The following FSTL5 variants were observed in gnomAD, a reference collection of about 807,000 sequenced individuals.
FSTL5 encodes the protein follistatin-related protein 5.
FSTL5 carries 62 observed loss-of-function variants against 89.1 expected under a neutral mutation model. The ratio of observed to expected loss-of-function variants is 0.70; its 90% CI spans 0.57 to 0.86. The LOEUF (loss-of-function observed/expected upper bound fraction) is 0.86. Among genes scored for constraint, FSTL5 ranks in the 40% least tolerant of loss-of-function variants. The pLI, the probability that FSTL5 is intolerant of heterozygous loss-of-function variation, is 0.00. For synonymous variants in FSTL5, 383 were observed against 346.2 expected, an observed-to-expected ratio of 1.11 and a Z score of -1.18; for missense variants, 1,057 against 1,001.6, an observed-to-expected ratio of 1.06 and a Z score of -0.75.
At chr4:162,096,130 A>G (rs1278742666) in intron 2 of FSTL5, among the ~76,000 whole-genome samples, 1 of 151,948 alleles carries the variant, frequency 6.6e-6, no homozygotes, top group East Asian at 1.9e-4. Context: ...AATTAATGCA[A>G]TAACGCTTCC....
At chr4:161,519,868 C>A (rs1277805668) in intron 10 of FSTL5, among the ~76,000 whole-genome samples, 2 of 152,128 alleles carry the variant, frequency 1.3e-5, no homozygotes, top group Non-Finnish European at 2.9e-5. Flanking sequence ...TTAACTTCCC[C>A]ATTTAGAAAA....
At chr4:161,627,449 C>G (rs1735354766) in intron 7 of FSTL5, among the ~76,000 whole-genome samples, 1 of 152,140 alleles carries the variant, frequency 6.6e-6, no homozygotes, top group Admixed American at 6.6e-5. Flanking sequence ...ATAAATATAA[C>G]TTTTATATGC....
intron 13 of FSTL5, among the ~76,000 whole-genome samples, chr4:161,469,140 C>T (rs1179839526): frequency 6.6e-6 from 1 of 152,074 alleles, no homozygotes; most frequent in Non-Finnish European, 1.5e-5. Flanking sequence ...ATTTTCACTA[C>T]TCTAATTACC....
At chr4:161,573,385 A>G (rs1206884350) in intron 8 of FSTL5, among the ~76,000 whole-genome samples, 2 of 144,618 alleles carry the variant, frequency 1.4e-5, no homozygotes, top group African/African-American at 5.1e-5. Flanking sequence ...CCCTGATTCC[A>G]GCCTAGATGA....
intron 4 of FSTL5, among the ~76,000 whole-genome samples, chr4:161,836,921 A>T (rs1731062563): frequency 6.6e-6 from 1 of 152,098 alleles, no homozygotes; most frequent in African/African-American, 2.4e-5. Context: ...GATAGGAACA[A>T]AAAGAGGAAG....
At chr4:161,555,601 A>C (rs1001216735) in intron 8 of FSTL5, among the ~76,000 whole-genome samples, 1 of 151,552 alleles carries the variant, frequency 6.6e-6, no homozygotes, top group Non-Finnish European at 1.5e-5. Flanking sequence ...GAAAATTTGA[A>C]CGCATCTCTA....
At chr4:161,910,684 C>G (rs1733664791) in intron 4 of FSTL5, among the ~76,000 whole-genome samples, 1 of 152,086 alleles carries the variant, frequency 6.6e-6, no homozygotes, top group African/African-American at 2.4e-5. Flanking sequence ...TTACCATCAT[C>G]TCTATATCTC....
chr4:161,412,514 A>G (rs1731628630), intron 15 of FSTL5, among the ~76,000 whole-genome samples: 1 of 151,752 alleles, frequency 6.6e-6, no homozygotes, highest in Non-Finnish European at 1.5e-5. Context: ...GTAGGGGGAT[A>G]GGGGCGGGAT....
chr4:162,108,002 T>C (rs1400543472), intron 2 of FSTL5, among the ~76,000 whole-genome samples: 1 of 152,128 alleles, frequency 6.6e-6, no homozygotes, highest in Non-Finnish European at 1.5e-5. Context: ...GTATGCAATA[T>C]TTAAGTTAAA....
At chr4:161,835,523 A>C (rs1054624726) in intron 4 of FSTL5, among the ~76,000 whole-genome samples, 2 of 152,062 alleles carry the variant, frequency 1.3e-5, no homozygotes, top group African/African-American at 4.8e-5. Flanking sequence ...GGCAACCTAC[A>C]ACATGGGAGA....
chr4:162,033,886 C>T (rs369702229), intron 2 of FSTL5, among the ~76,000 whole-genome samples: 2 of 152,162 alleles, frequency 1.3e-5, no homozygotes, highest in East Asian at 1.9e-4. Flanking sequence ...GCAGCCTCAA[C>T]CTCGCAGACT....
chr4:161,641,083 C>T (rs1311381116), intron 7 of FSTL5, among the ~76,000 whole-genome samples: 2 of 152,174 alleles, frequency 1.3e-5, no homozygotes, highest in African/African-American at 4.8e-5. Flanking sequence ...AGAATTAAGA[C>T]ATCCACACAT....
chr4:161,440,527 T>G (rs984889587), intron 15 of FSTL5, among the ~76,000 whole-genome samples: 2 of 152,112 alleles, frequency 1.3e-5, no homozygotes, highest in Non-Finnish European at 2.9e-5. Context: ...CTACAGATAG[T>G]CTCTGACAAC....
chr4:161,619,894 G>A (rs1735052683), intron 7 of FSTL5, among the ~76,000 whole-genome samples: 1 of 151,996 alleles, frequency 6.6e-6, no homozygotes, highest in Non-Finnish European at 1.5e-5. Flanking sequence ...GCACACGTAT[G>A]TTTATTGCGG....
At chr4:161,805,037 T>A (rs1729917207) in intron 4 of FSTL5, among the ~76,000 whole-genome samples, 1 of 152,206 alleles carries the variant, frequency 6.6e-6, no homozygotes, top group African/African-American at 2.4e-5. Flanking sequence ...AAGTCCTATG[T>A]CCTGTGCCTC....
In FSTL5 at chr4:161,761,531, T is replaced by C. The variant is rs1193752115; in HGVS notation, c.607-2000A>G. Among the ~76,000 whole-genome samples, 3 of 152,338 alleles carry C rather than the reference T, an allele frequency of 2.0e-5. No individual in the cohort carries two copies. In the East Asian group the frequency reaches 5.8e-4, roughly 29 times the overall value. On this transcript the variant is annotated intron_variant, in intron 5 of 15. Coordinates refer to ENST00000306100, the MANE Select transcript of FSTL5 (RefSeq NM_020116.5). ...TTGTAAATAGAGATGAGCACAAAGA[T>C]GGGGAAAAGCTTTTGTCATTTTCTG... is the stretch of plus-strand genomic sequence containing the variant.
chr4:161,952,441 T>A (rs1734922035), intron 3 of FSTL5, among the ~76,000 whole-genome samples: 1 of 151,962 alleles, frequency 6.6e-6, no homozygotes, highest in Non-Finnish European at 1.5e-5. Context: ...ACTCATCATA[T>A]AATAGTAGGA....
chr4:161,959,440 C>T (rs890982494), intron 3 of FSTL5, among the ~76,000 whole-genome samples: 2 of 151,934 alleles, frequency 1.3e-5, no homozygotes, highest in Non-Finnish European at 2.9e-5. Flanking sequence ...GTTACATATG[C>T]TTTAGGTAAA....
At chr4:161,395,897 A>C (rs1472481512) in intron 15 of FSTL5, among the ~76,000 whole-genome samples, 1 of 152,152 alleles carries the variant, frequency 6.6e-6, no homozygotes, top group Non-Finnish European at 1.5e-5. Flanking sequence ...CTAATACCTT[A>C]AATACTAGAT....
Sources: gnomAD v4.1 joint callset for allele counts (sites outside exome capture counted in the v4.1 genomes callset) on GRCh38, gnomAD v4.1.1 for gene constraint, MANE v1.5 for transcripts, NCBI Gene and HGNC (gene_info 2026-07-23, HGNC 2026-07-21) for gene names.